Variants in PLB1 observed in about 807,000 individuals in gnomAD.
The protein encoded by PLB1 is phospholipase B1, membrane-associated.
PLB1 carries 242 observed loss-of-function variants against 227.4 expected under a neutral mutation model. The observed-to-expected ratio is 1.06, with a 90% CI of 0.96 to 1.18. The LOEUF (loss-of-function observed/expected upper bound fraction) is 1.18. PLB1 is among the 50% of genes most tolerant of loss of function. PLB1 has a pLI of 0.00. For missense variants in PLB1, 1,858 were observed against 1,816.3 expected (o/e 1.02, Z -0.42); for synonymous variants, 757 against 682.2 (o/e 1.11, Z -1.71).
At position 28,529,351 on chromosome 2, in the gene PLB1, T is replaced by C; in HGVS notation, c.360T>C (p.Ser120=). 1 of 1,612,040 alleles carries C rather than the reference T, an allele frequency of 6.2e-7. No homozygotes were observed. Among genetic ancestry groups the C allele is most frequent in the East Asian group, 2.2e-5 (1 of 44,862 alleles). ...ACATCATCAGATATTTCAGTCCTTC[T>C]GTTCCAATGCCTGTGTGCCACACTG... ...LSDIIRYFSP[S]VPMPVCHTGK... is the part of the protein sequence containing the mutation. The change falls in exon 7 of 58, where the codon TCT becomes TCC. Residue 120 remains serine, a synonymous_variant. Coordinates refer to ENST00000327757, the MANE Select transcript of PLB1 (RefSeq NM_153021.5).
At chr2:28,625,020 G>A (rs753233674) in intron 49 of PLB1, 37 bp from the exon 50 acceptor site, 1 of 1,601,832 alleles carries the variant, frequency 6.2e-7, no homozygotes, top group Non-Finnish European at 8.5e-7. Context: ...TCGCTCCTGA[G>A]CCGGCACTAA....
chr2:28,622,425 G>C (rs1687167204), intron 49 of PLB1, among the ~76,000 whole-genome samples: 1 of 152,166 alleles, frequency 6.6e-6, no homozygotes. Context: ...AAAGAATGTA[G>C]TACCACACAT....
chr2:28,497,513 T>A (rs558339747), intron 1 of PLB1, among the ~76,000 whole-genome samples: 2 of 152,058 alleles, frequency 1.3e-5, no homozygotes, highest in African/African-American at 4.8e-5. Context: ...AGTTATCCAG[T>A]TGGGAGTGTA....
rs542670180 is a variant in PLB1 at position 28,529,318 on chromosome 2, C to A, written c.327C>A (p.Val109=). ...PQQVCMGVMT[V]LSDIIRYFSP... is the part of the protein sequence containing the mutation. Reference sequence around the variant, plus strand: ...GCCTCAAACCAGTTCTCTCTTTAGTCCTTTCAGACATCATCAGATATTTCA... The same window carrying A: ...GCCTCAAACCAGTTCTCTCTTTAGTACTTTCAGACATCATCAGATATTTCA... The change falls in exon 7 of 58, where the codon GTC becomes GTA. Residue 109 remains valine (V), a splice_region_variant and synonymous_variant. Transcript: ENST00000327757. 7.5e-6 allele frequency: 12 copies of A among 1,605,714 alleles called. No individual in the cohort carries two copies. The South Asian group carries it at 1.1e-4, about 15-fold the overall frequency.
chr2:28,538,982 A>AGG, intron 10 of PLB1, 117 bp from the exon 11 acceptor site: 1 of 784,858 alleles, frequency 1.3e-6, no homozygotes, highest in East Asian at 2.5e-5. Context: ...CAGTTAACCA[A>AGG]GGGGAGGCCC....
chr2:28,624,940 C>A, intron 49 of PLB1, 117 bp from the exon 50 acceptor site: 1 of 970,398 alleles, frequency 1.0e-6, no homozygotes, highest in Non-Finnish European at 1.6e-6. Flanking sequence ...ATGGAATGAC[C>A]TTTGTACTGG....
At chr2:28,500,101 A>G (rs1029862453) in intron 1 of PLB1, among the ~76,000 whole-genome samples, 1 of 152,194 alleles carries the variant, frequency 6.6e-6, no homozygotes, top group Non-Finnish European at 1.5e-5. Context: ...AATGTTGTGA[A>G]TTAAATAAAT....
intron 41 of PLB1, among the ~76,000 whole-genome samples, chr2:28,605,268 A>C (rs577265489): frequency 3.9e-5 from 6 of 152,270 alleles, no homozygotes; most frequent in Admixed American, 2.0e-4. Context: ...TCTGAACAGA[A>C]GAGATCTGTG....
intron 11 of PLB1, 86 bp from the exon 12 acceptor site, chr2:28,540,277 CCTT>C (rs748765696): frequency 6.0e-5 from 63 of 1,048,308 alleles, no homozygotes; most frequent in Non-Finnish European, 9.1e-5. Flanking sequence ...CTCCTATGCC[CCTT>C]CTTCCATAAG....
At chr2:28,516,577 CTT>C (rs769947809) in intron 1 of PLB1, among the ~76,000 whole-genome samples, 3 of 152,168 alleles carry the variant, frequency 2.0e-5, no homozygotes, top group Non-Finnish European at 4.4e-5. Flanking sequence ...CCAGATAACA[CTT>C]TTGCTTTTTC....
At chr2:28,612,556 G>A (rs1038501444) in intron 43 of PLB1, among the ~76,000 whole-genome samples, 9 of 151,778 alleles carry the variant, frequency 5.9e-5, no homozygotes, top group East Asian at 1.9e-4. Context: ...ACATGGTTGC[G>A]TACATGTGGT....
intron 56 of PLB1, among the ~76,000 whole-genome samples, chr2:28,636,000 TATGTGTATGTATGTATGA>T (rs1408917348): frequency 1.3e-5 from 2 of 150,046 alleles, no homozygotes; most frequent in East Asian, 2.0e-4. Flanking sequence ...TGTGTGTATG[TATGTGTATGTATGTATGA>T]ATGTGTGTGT....
intron 16 of PLB1, among the ~76,000 whole-genome samples, chr2:28,550,761 C>T (rs919332598): frequency 6.6e-6 from 1 of 151,762 alleles, no homozygotes; most frequent in Non-Finnish European, 1.5e-5. Flanking sequence ...AGGCTGGTCT[C>T]GAACTCCTGA....
chr2:28,641,532 C>T (rs188723969), intron 57 of PLB1, among the ~76,000 whole-genome samples: 215 of 152,242 alleles, frequency 1.4e-3, no homozygotes, highest in East Asian at 8.7e-3. Flanking sequence ...CACTTGAACC[C>T]GGGAGGCAGA....
At chr2:28,554,097 T>A (rs1674650031) in intron 17 of PLB1, among the ~76,000 whole-genome samples, 1 of 152,204 alleles carries the variant, frequency 6.6e-6, no homozygotes, top group Non-Finnish European at 1.5e-5. Flanking sequence ...GGGATGTAGA[T>A]CTTACATATA....
chr2:28,581,040 G>A (rs556926891), intron 23 of PLB1, among the ~76,000 whole-genome samples: 45 of 152,116 alleles, frequency 3.0e-4, no homozygotes, highest in Non-Finnish European at 6.0e-4. Flanking sequence ...GTGGGGAGGT[G>A]GGACCCTGGG....
intron 43 of PLB1, among the ~76,000 whole-genome samples, chr2:28,609,912 C>T (rs549264706): frequency 3.3e-5 from 5 of 152,206 alleles, no homozygotes; most frequent in Non-Finnish European, 5.9e-5. Context: ...TCACTTTGTA[C>T]GTTAAAGGCT....
At chr2:28,598,162 A>G in intron 34 of PLB1, 114 bp downstream of exon 34, 2 of 874,128 alleles carry the variant, frequency 2.3e-6, no homozygotes, top group South Asian at 1.7e-5. Flanking sequence ...ATGGCCCAGC[A>G]TTTAAGTAGG....
intron 26 of PLB1, among the ~76,000 whole-genome samples, chr2:28,588,103 TCTCTCA>T (rs1182599164): frequency 8.1e-6 from 1 of 123,680 alleles, no homozygotes; most frequent in Admixed American, 8.1e-5. Flanking sequence ...AAGCTACGGC[TCTCTCA>T]CTCTCCCTGG....
Sources: gnomAD v4.1 joint callset for allele counts (sites outside exome capture counted in the v4.1 genomes callset) on GRCh38, gnomAD v4.1.1 for gene constraint, MANE v1.5 for transcripts, NCBI Gene and HGNC (gene_info 2026-07-23, HGNC 2026-07-21) for gene names.